GPHN: variants seen among roughly 807,000 people sequenced by gnomAD.
GPHN encodes gephyrin.
GPHN carries 17 observed loss-of-function variants against 95.5 expected under a neutral mutation model. That is an observed-to-expected ratio of 0.18 (90% CI 0.12 to 0.27). GPHN has a LOEUF of 0.27. Ranked by LOEUF, GPHN falls within the 10% of genes least tolerant of loss-of-function variation. GPHN has a pLI of 1.00. For missense variants in GPHN, 660 were observed against 978.1 expected, an observed-to-expected ratio of 0.67 and a Z score of 4.34; for synonymous variants, 320 against 322.5, an observed-to-expected ratio of 0.99 and a Z score of 0.08.
chr14:66,864,373 A>G (rs1186418876), intron 4 of GPHN, among the ~76,000 whole-genome samples: 1 of 152,200 alleles, frequency 6.6e-6, no homozygotes, highest in Non-Finnish European at 1.5e-5. Flanking sequence ...TAGGAATGTT[A>G]AGTTAGTACA....
At chr14:67,231,219 T>A in the GPHN span, among the ~76,000 whole-genome samples, 237 of 152,328 alleles carry the variant, frequency 1.6e-3, no homozygotes, top group African/African-American at 5.4e-3. Context: ...GAGACAAAAC[T>A]AATTTATAAA....
the GPHN span, chr14:67,302,498 A>G: frequency 6.3e-7 from 1 of 1,597,488 alleles, no homozygotes; most frequent in South Asian, 1.1e-5. Context: ...CTGTTGCATG[A>G]AGGAGATGAA....
intron 8 of GPHN, among the ~76,000 whole-genome samples, chr14:66,960,728 TAG>T (rs918609258): frequency 1.3e-5 from 2 of 152,128 alleles, no homozygotes; most frequent in African/African-American, 4.8e-5. Context: ...CCTGCTGGTA[TAG>T]AGTCTCAAAT....
the GPHN span, chr14:67,388,454 G>A: frequency 6.3e-6 from 4 of 634,554 alleles, no homozygotes; most frequent in South Asian, 1.8e-5. Flanking sequence ...GGCCAAAGCT[G>A]CATGCATCAG....
intron 1 of GPHN, among the ~76,000 whole-genome samples, chr14:66,673,324 C>T (rs2066408586): frequency 6.6e-6 from 1 of 151,976 alleles, no homozygotes. Flanking sequence ...GATCTCCTGA[C>T]CTCATGATCC....
At chr14:67,680,403 G>T in the GPHN span, among the ~76,000 whole-genome samples, 1 of 152,274 alleles carries the variant, frequency 6.6e-6, no homozygotes, top group East Asian at 1.9e-4. Flanking sequence ...TAAGAGCAAA[G>T]AACACAGTTG....
At chr14:67,348,669 G>A in the GPHN span, among the ~76,000 whole-genome samples, 5 of 151,046 alleles carry the variant, frequency 3.3e-5, no homozygotes, top group African/African-American at 4.9e-5. Flanking sequence ...CTACAGGCGC[G>A]TGCCACCAAA....
the GPHN span, chr14:67,646,618 A>ATCCTG: frequency 5.2e-6 from 8 of 1,538,620 alleles, no homozygotes; most frequent in Non-Finnish European, 7.2e-6. Context: ...TTCTTGATTA[A>ATCCTG]TCCTGTCCAT....
intron 11 of GPHN, among the ~76,000 whole-genome samples, chr14:67,070,294 G>T (rs2076231720): frequency 6.8e-6 from 1 of 147,624 alleles, no homozygotes; most frequent in Non-Finnish European, 1.5e-5. Flanking sequence ...ATATGTTTGT[G>T]TGTGTGTGTA....
chr14:67,692,815 G>C, the GPHN span: 1 of 896,102 alleles, frequency 1.1e-6, no homozygotes, highest in Non-Finnish European at 1.8e-6. Flanking sequence ...CAGCAAATCA[G>C]TGGAATCCTT....
the GPHN span, among the ~76,000 whole-genome samples, chr14:67,446,362 AATAACT>A: frequency 1.3e-5 from 2 of 152,222 alleles, no homozygotes; most frequent in Non-Finnish European, 2.9e-5. Flanking sequence ...CATCTCATTG[AATAACT>A]ATGAGTGTTG....
chr14:67,635,572 G>A, the GPHN span, among the ~76,000 whole-genome samples: 7 of 152,228 alleles, frequency 4.6e-5, no homozygotes, highest in East Asian at 3.9e-4. Context: ...CCAGGAATTC[G>A]GCCGGGCACG....
chr14:67,382,697 T>C, the GPHN span: 4 of 1,301,848 alleles, frequency 3.1e-6, no homozygotes, highest in Non-Finnish European at 3.3e-6. Context: ...TGTAGGATGG[T>C]CATTCAGGCC....
At chr14:67,051,530 C>T (rs1270092942) in intron 10 of GPHN, among the ~76,000 whole-genome samples, 1 of 152,104 alleles carries the variant, frequency 6.6e-6, no homozygotes, top group Non-Finnish European at 1.5e-5. Context: ...AGTTGGAAAA[C>T]GTACATCAGG....
At chr14:67,674,604 C>T in the GPHN span, 2 of 785,128 alleles carry the variant, frequency 2.5e-6, no homozygotes, top group Non-Finnish European at 3.7e-6. Flanking sequence ...GCACCACCGC[C>T]GCCCAGGACG....
the GPHN span, chr14:67,583,960 C>T: frequency 1.9e-6 from 3 of 1,613,386 alleles, no homozygotes; most frequent in Non-Finnish European, 1.7e-6. Flanking sequence ...GTCGGCACTT[C>T]ATTGGCACTA....
the GPHN span, among the ~76,000 whole-genome samples, chr14:67,431,413 A>ACC: frequency 6.9e-6 from 1 of 145,978 alleles, no homozygotes; most frequent in African/African-American, 2.5e-5. Context: ...AAAAAAAAAA[A>ACC]AAAAAAAACG....
At chr14:67,651,681 T>G in the GPHN span, 1 of 449,208 alleles carries the variant, frequency 2.2e-6, no homozygotes, top group Non-Finnish European at 3.9e-6. Flanking sequence ...AATGTTAAAC[T>G]GAGACAATAA....
chr14:67,010,386 T>TA (rs1156586278), intron 9 of GPHN, among the ~76,000 whole-genome samples: 1 of 150,532 alleles, frequency 6.6e-6, no homozygotes, highest in Non-Finnish European at 1.5e-5. Flanking sequence ...CTGTCTCTAC[T>TA]AAAAAAATAC....
Sources: allele counts gnomAD v4.1 joint callset (sites outside exome capture counted in the v4.1 genomes callset), GRCh38; gene constraint gnomAD v4.1.1; transcripts MANE v1.5; gene names NCBI Gene and HGNC (gene_info 2026-07-23, HGNC 2026-07-21).